PCDH11X: variants seen among roughly 807,000 people sequenced by gnomAD.
PCDH11X encodes the protein protocadherin-11 X-linked.
A neutral mutation model predicts 53.3 loss-of-function variants in PCDH11X; 18 were observed. The ratio of observed to expected loss-of-function variants is 0.34; its 90% CI spans 0.23 to 0.50. PCDH11X has a LOEUF of 0.50. Among genes scored for constraint, PCDH11X ranks in the 20% least tolerant of loss-of-function variants. The pLI is 0.98. For missense variants in PCDH11X, 570 were observed against 1,032.4 expected (o/e 0.55, Z 6.14); for synonymous variants, 279 against 393.3 (o/e 0.71, Z 3.44).
At chrX:92,340,505 C>G (rs999100105) in intron 8 of PCDH11X, among the ~76,000 whole-genome samples, 2 of 112,221 alleles carry the variant, frequency 1.8e-5, no homozygotes, top group Non-Finnish European at 3.8e-5. Context: ...TCCCAAGCCT[C>G]AAGTCTTGAC....
chrX:91,785,773 T>C (rs767118202), intron 1 of PCDH11X, among the ~76,000 whole-genome samples: 1 of 107,771 alleles, frequency 9.3e-6, no homozygotes, highest in African/African-American at 3.4e-5. Context: ...AAATTGGTCA[T>C]ATTTGAAATG....
intron 6 of PCDH11X, among the ~76,000 whole-genome samples, chrX:92,167,172 A>G (rs186947240): frequency 8.4e-4 from 93 of 111,099 alleles, no homozygotes; most frequent in African/African-American, 2.9e-3. Flanking sequence ...ATTAATCTTT[A>G]AAGTATATTT....
In PCDH11X at chrX:91,836,026, A is replaced by G. The variant is rs771175122; in HGVS notation, c.522A>G (p.Gln174=). The change falls in exon 5 of 11, where the codon CAA becomes CAG. Residue 174 remains glutamine, a synonymous_variant. Coordinates refer to ENST00000682573, the MANE Select transcript of PCDH11X (RefSeq NM_032968.5). ...VDPDVGINGV[Q]NYELIKSQNI... is the part of the protein sequence containing the mutation. ...CTGACGTAGGAATAAACGGAGTTCA[A>G]AACTACGAACTAATTAAGGTGCGTT... The G allele has an allele frequency of 8.3e-7, 1 of 1,208,525 alleles. No homozygotes were observed. Among genetic ancestry groups the G allele is most frequent in the East Asian group, 3.0e-5 (1 of 33,714 alleles).
intron 8 of PCDH11X, among the ~76,000 whole-genome samples, chrX:92,302,338 C>T (rs188206727): frequency 2.3e-3 from 250 of 110,804 alleles, no homozygotes; most frequent in Middle Eastern, 0.018. Context: ...GGTCTTCATA[C>T]GAATACCACA....
At chrX:92,559,474 T>C (rs1288720482) in intron 10 of PCDH11X, among the ~76,000 whole-genome samples, 16 of 106,103 alleles carry the variant, frequency 1.5e-4, no homozygotes, top group Non-Finnish European at 3.1e-4. Context: ...CACACACCAC[T>C]GTCATAAGAA....
At chrX:92,340,509 T>A (rs1031462029) in intron 8 of PCDH11X, among the ~76,000 whole-genome samples, 1 of 111,921 alleles carries the variant, frequency 8.9e-6, no homozygotes, top group Non-Finnish European at 1.9e-5. Flanking sequence ...AAGCCTCAAG[T>A]CTTGACTCAG....
At chrX:91,870,038 A>G (rs1234563488) in intron 5 of PCDH11X, among the ~76,000 whole-genome samples, 1 of 112,199 alleles carries the variant, frequency 8.9e-6, no homozygotes, top group East Asian at 2.8e-4. Context: ...ACATTAAGTC[A>G]TATGTTTAAG....
At chrX:92,221,210 AAAT>A (rs1403814976) in intron 7 of PCDH11X, among the ~76,000 whole-genome samples, 1 of 9,203 alleles carries the variant, frequency 1.1e-4, no homozygotes, top group Non-Finnish European at 1.3e-3. Context: ...AATAATAAAA[AAAT>A]AAATAAAAAT....
rs189171423 is a variant in PCDH11X, at chrX:92,591,227, G to T, written c.3368-27037G>T. Among the ~76,000 whole-genome samples the T allele has an allele frequency of 6.3e-5, 7 of 110,311 alleles. No individual in the cohort carries two copies. The Admixed American group carries it at 6.7e-4, about 11-fold the overall frequency. On this transcript the variant is annotated intron_variant, in intron 10 of 10. Coordinates refer to ENST00000682573, the MANE Select transcript of PCDH11X (RefSeq NM_032968.5). ...CTTTGTGACTATAGTGCAGTGAGCA[G>T]GGTCGCCAGGGCCCCAAGGGAAAGG...
intron 6 of PCDH11X, among the ~76,000 whole-genome samples, chrX:92,036,383 C>T (rs1602727554): frequency 2.8e-5 from 3 of 108,225 alleles, no homozygotes; most frequent in South Asian, 8.4e-4. Flanking sequence ...ATGGGAGGAA[C>T]GCGGTGGGAG....
chrX:92,133,183 T>C (rs1569377159), intron 6 of PCDH11X, among the ~76,000 whole-genome samples: 1 of 111,728 alleles, frequency 9.0e-6, no homozygotes, highest in Non-Finnish European at 1.9e-5. Flanking sequence ...TCTAATGCCA[T>C]TATGCTAACT....
intron 7 of PCDH11X, among the ~76,000 whole-genome samples, chrX:92,257,423 A>ACATG (rs2067617538): frequency 9.0e-6 from 1 of 111,418 alleles, no homozygotes; most frequent in Non-Finnish European, 1.9e-5. Context: ...CATGCTTCCC[A>ACATG]ACAGTCCCCC....
chrX:91,803,640 A>G (rs1034333227), intron 1 of PCDH11X, among the ~76,000 whole-genome samples: 9 of 111,549 alleles, frequency 8.1e-5, no homozygotes, highest in African/African-American at 2.9e-4. Flanking sequence ...CAATTCCCTC[A>G]TATGTAAACG....
intron 6 of PCDH11X, among the ~76,000 whole-genome samples, chrX:92,160,249 T>A (rs1258141856): frequency 9.1e-6 from 1 of 109,617 alleles, no homozygotes; most frequent in Non-Finnish European, 1.9e-5. Context: ...TAGATTTTTG[T>A]GCACGAATCT....
At chrX:92,162,254 C>T (rs183153232) in intron 6 of PCDH11X, among the ~76,000 whole-genome samples, 22 of 102,586 alleles carry the variant, frequency 2.1e-4, no homozygotes, top group Middle Eastern at 5.2e-3. Flanking sequence ...TGCAGTGGTG[C>T]GATCTCGGCT....
chrX:92,399,861 C>A (rs2071343849), intron 9 of PCDH11X, among the ~76,000 whole-genome samples: 1 of 108,998 alleles, frequency 9.2e-6, no homozygotes. Context: ...CCTGCCTCAG[C>A]CTCTCGAGTA....
chrX:91,791,857 ATTTTTTTTT>A (rs755996100), intron 1 of PCDH11X, among the ~76,000 whole-genome samples: 4 of 83,182 alleles, frequency 4.8e-5, no homozygotes, highest in Non-Finnish European at 8.9e-5. Flanking sequence ...CGATCAGTAC[ATTTTTTTTT>A]TTTTTTTTTT....
intron 4 of PCDH11X, among the ~76,000 whole-genome samples, chrX:91,823,589 C>T (rs1936783951): frequency 9.0e-6 from 1 of 111,411 alleles, no homozygotes; most frequent in South Asian, 3.8e-4. Context: ...GGATGGGCTT[C>T]CTGAATACAG....
intron 10 of PCDH11X, among the ~76,000 whole-genome samples, chrX:92,503,394 T>G (rs1435577135): frequency 9.3e-6 from 1 of 107,399 alleles, no homozygotes; most frequent in Non-Finnish European, 1.9e-5. Context: ...TAAAGAAATA[T>G]AAATCATTCT....
Sources: gnomAD v4.1 joint callset for allele counts (sites outside exome capture counted in the v4.1 genomes callset) on GRCh38, gnomAD v4.1.1 for gene constraint, MANE v1.5 for transcripts, NCBI Gene and HGNC (gene_info 2026-07-23, HGNC 2026-07-21) for gene names.